CDH3: variants seen among roughly 807,000 people sequenced by gnomAD.
CDH3 encodes cadherin 3, also known as cadherin-3.
CDH3 carries 54 observed loss-of-function variants against 82.0 expected under a neutral mutation model. That is an observed-to-expected ratio of 0.66 (90% CI 0.53 to 0.83). The LOEUF (loss-of-function observed/expected upper bound fraction) is 0.83. Ranked by LOEUF, CDH3 falls within the 40% of genes least tolerant of loss-of-function variation. CDH3 has a pLI of 0.00. For missense variants in CDH3, 1,054 were observed against 1,084.6 expected, an observed-to-expected ratio of 0.97 and a Z score of 0.40; for synonymous variants, 446 against 437.9, an observed-to-expected ratio of 1.02 and a Z score of -0.23.
chr16:68,721,877 G>A (rs1163071006), intron 1 of CDH3, among the ~76,000 whole-genome samples: 1 of 152,086 alleles, frequency 6.6e-6, no homozygotes, highest in Admixed American at 6.6e-5. Context: ...ATCACTTGAC[G>A]TCAGGAGTTC....
chr16:68,718,027 TG>T (rs1056672830), intron 1 of CDH3, among the ~76,000 whole-genome samples: 3 of 151,200 alleles, frequency 2.0e-5, no homozygotes, highest in African/African-American at 7.2e-5. Context: ...TTGCCCAGGC[TG>T]GAGTTGCCCA....
intron 2 of CDH3, among the ~76,000 whole-genome samples, chr16:68,650,812 C>T (rs979093806): frequency 2.0e-5 from 3 of 152,122 alleles, no homozygotes. Flanking sequence ...ACAGCCTTAA[C>T]CCCTTCCCCC....
At chr16:68,731,040 AAAAAAAAATATATATATATATATAT>A (rs1962278107), downstream of CDH3, among the ~76,000 whole-genome samples, 1 of 38,836 alleles carries the variant, frequency 2.6e-5, no homozygotes, top group Non-Finnish European at 6.0e-5. Context: ...AAAAAAAAAA[AAAAAAAAATATATATATATATATAT>A]ATATATATAT....
chr16:68,701,101 G>A (rs1284450282), downstream of CDH3, among the ~76,000 whole-genome samples: 1 of 152,082 alleles, frequency 6.6e-6, no homozygotes. Context: ...TTCAGCAGAG[G>A]CTAATCATGA....
downstream of CDH3, among the ~76,000 whole-genome samples, chr16:68,731,960 T>C (rs561950137): frequency 6.6e-5 from 10 of 152,326 alleles, no homozygotes; most frequent in African/African-American, 2.4e-4. Context: ...AAAACTACTG[T>C]TGGGGCTGGG....
At chr16:68,676,659 C>A (rs1961043951) in intron 3 of CDH3, among the ~76,000 whole-genome samples, 189 bp downstream of exon 3, 1 of 152,216 alleles carries the variant, frequency 6.6e-6, no homozygotes, top group Non-Finnish European at 1.5e-5. Flanking sequence ...GTGCTTGCAG[C>A]TACCCAACAG....
At chr16:68,647,251 C>T (rs971285363) in intron 2 of CDH3, among the ~76,000 whole-genome samples, 13 of 144,524 alleles carry the variant, frequency 9.0e-5, no homozygotes, top group African/African-American at 3.0e-4. Flanking sequence ...GCCAAATCTA[C>T]GCCCCCTCCC....
At chr16:68,657,212 T>C (rs900423172) in intron 2 of CDH3, among the ~76,000 whole-genome samples, 3 of 152,028 alleles carry the variant, frequency 2.0e-5, no homozygotes, top group African/African-American at 4.8e-5. Flanking sequence ...ATGCCTCACC[T>C]GGGGAAAGAA....
At chr16:68,709,200 T>C (rs776404209) in intron 1 of CDH3, among the ~76,000 whole-genome samples, 1 of 152,172 alleles carries the variant, frequency 6.6e-6, no homozygotes, top group Non-Finnish European at 1.5e-5. Flanking sequence ...CTCAGCCTGC[T>C]GAATAGCTGG....
At position 68,707,894 on chromosome 16, in the gene CDH3, G is replaced by C. The variant is rs1404159002; in HGVS notation, c.99+11971G>C. ...GGCGGGTCAGGAATGCCTGGGCTCCGTTCCAACTTCTGTCCCCACTGTTGT... is the reference window on the plus strand; with the variant it reads ...GGCGGGTCAGGAATGCCTGGGCTCCCTTCCAACTTCTGTCCCCACTGTTGT... On this transcript the variant is annotated intron_variant, in intron 1 of 2. Coordinates refer to the CDH3 transcript ENST00000569080. This position sits in a 1 kb window ranked among gnomAD's most constrained non-coding sequence, Gnocchi z 4.5. Among the ~76,000 whole-genome samples the C allele has an allele frequency of 2.0e-5, 3 of 151,898 alleles. 1 individual carries two copies. The highest frequency in any genetic ancestry group is 2.0e-4 in the Admixed American group (3 of 15,232).
At chr16:68,724,860 A>T (rs1377358786) in intron 2 of CDH3, among the ~76,000 whole-genome samples, 1 of 152,110 alleles carries the variant, frequency 6.6e-6, no homozygotes, top group Admixed American at 6.6e-5. Flanking sequence ...GTCTCCAAAC[A>T]TCTTTGGTGT....
intron 12 of CDH3, among the ~76,000 whole-genome samples, chr16:68,689,758 C>T (rs146374199): frequency 6.6e-6 from 1 of 151,896 alleles, no homozygotes; most frequent in Non-Finnish European, 1.5e-5. Context: ...GCCTTCTGGC[C>T]CTTTGACTAA....
In CDH3 at chr16:68,710,611, A is replaced by G. The variant is rs567678641; in HGVS notation, c.100-11814A>G. ...GGTGGCTCACGCCTGTAATCCCAGC[A>G]CTTTGGAAGGCCGAGGCAGGCGGAT... On this transcript the variant is annotated intron_variant, in intron 1 of 2. Coordinates refer to the CDH3 transcript ENST00000569080. 2.0e-5 allele frequency among the ~76,000 whole-genome samples: 3 copies of G among 152,250 alleles called. No homozygotes were observed. In the South Asian group the frequency reaches 6.2e-4, roughly 32 times the overall value.
chr16:68,646,703 C>T (rs1323087318), intron 2 of CDH3, among the ~76,000 whole-genome samples: 5 of 152,110 alleles, frequency 3.3e-5, no homozygotes, highest in Admixed American at 6.5e-5. Context: ...ACCCTGGATC[C>T]TTGGGTCGGG....
At chr16:68,657,139 C>T (rs1960428006) in intron 2 of CDH3, among the ~76,000 whole-genome samples, 2 of 152,188 alleles carry the variant, frequency 1.3e-5, no homozygotes, top group African/African-American at 4.8e-5. Flanking sequence ...CTCCAGGCTG[C>T]AGCTGCCTCT....
intron 15 of CDH3, chr16:68,696,786 A>T (rs1402097219): frequency 2.6e-5 from 4 of 152,572 alleles, no homozygotes; most frequent in African/African-American, 9.7e-5. Context: ...TATGAGGCAC[A>T]TATGGCCTTG....
rs532477818 is a variant in CDH3, at chr16:68,715,027, A to G, written c.100-7398A>G. Among the ~76,000 whole-genome samples, 5 of 151,960 alleles carry G rather than the reference A, an allele frequency of 3.3e-5. No homozygotes were observed. In the East Asian group the frequency reaches 9.7e-4, roughly 30 times the overall value. ...GTCTCAAAAAATAAAAAGTATCAGG[A>G]CAACCTCATAAGAGAGGTACTATTA... On this transcript the variant is annotated intron_variant, in intron 1 of 2. Transcript: ENST00000569080.
chr16:68,660,171 A>T (rs1960522815), intron 2 of CDH3, among the ~76,000 whole-genome samples: 1 of 152,240 alleles, frequency 6.6e-6, no homozygotes, highest in African/African-American at 2.4e-5. Flanking sequence ...TCATCTTAAC[A>T]TCATCCAGAT....
chr16:68,651,160 C>T (rs1033300422), intron 2 of CDH3: 11 of 472,476 alleles, frequency 2.3e-5, no homozygotes, highest in South Asian at 4.9e-5. Flanking sequence ...GTATATCTGC[C>T]GGCCCAGGCC....
Sources: allele counts gnomAD v4.1 joint callset (sites outside exome capture counted in the v4.1 genomes callset), GRCh38; gene constraint gnomAD v4.1.1; non-coding constraint Gnocchi (gnomAD v3.1); transcripts MANE v1.5; gene names NCBI Gene and HGNC (gene_info 2026-07-23, HGNC 2026-07-21).